Variants in NSUN7 observed in about 807,000 individuals in gnomAD.
NSUN7 encodes the protein NOP2/Sun RNA methyltransferase family member 7.
In NSUN7, 39 loss-of-function variants were observed where a neutral mutation model predicts 58.5. That is an observed-to-expected ratio of 0.67 (90% CI 0.52 to 0.87). The LOEUF is 0.87. Ranked by LOEUF, NSUN7 falls within the 40% of genes least tolerant of loss-of-function variation. NSUN7 has a pLI of 0.00. For synonymous variants in NSUN7, 278 were observed against 303.7 expected, an observed-to-expected ratio of 0.92 and a Z score of 0.88; for missense variants, 765 against 844.1, an observed-to-expected ratio of 0.91 and a Z score of 1.16.
Position 40,808,420 on chromosome 4 carries a change from A to G in NSUN7, c.1638A>G (p.Lys546=), listed in dbSNP as rs777853226. The change falls in exon 12 of 12, where the codon AAA becomes AAG. Residue 546 remains lysine, a synonymous_variant. Transcript: ENST00000381782. ...GKSSKREKKK[K]KSKTSLTKGA... is the part of the protein sequence containing the mutation. ...CATCAAAACGGGAGAAGAAGAAGAA[A>G]AAATCAAAAACATCATTGACAAAAG... 9 of 1,613,672 alleles carry G rather than the reference A, an allele frequency of 5.6e-6. No homozygotes were observed. In the South Asian group the frequency reaches 9.9e-5, roughly 18 times the overall value.
intron 2 of NSUN7, among the ~76,000 whole-genome samples, chr4:40,751,619 A>T (rs1243809595): frequency 6.6e-6 from 1 of 152,208 alleles, no homozygotes; most frequent in Non-Finnish European, 1.5e-5. Context: ...CATAGCCACT[A>T]GCTTTAATGG....
At chr4:40,792,477 A>C (rs141360752) in intron 8 of NSUN7, among the ~76,000 whole-genome samples, 12,966 of 152,200 alleles carry the variant, frequency 0.085, 682 homozygotes, top group Middle Eastern at 0.13. Context: ...ACTGGCCGGG[A>C]GCGGTGGCTC....
chr4:40,796,819 C>T (rs948505734), intron 9 of NSUN7, among the ~76,000 whole-genome samples: 1 of 152,078 alleles, frequency 6.6e-6, no homozygotes, highest in African/African-American at 2.4e-5. Flanking sequence ...ATTTATAGTT[C>T]CTCATCAACA....
rs1407386380 is a variant in NSUN7 at position 40,750,787 on chromosome 4, A to G, written c.94A>G (p.Ser32Gly). 5.0e-6 allele frequency: 8 copies of G among 1,613,998 alleles called. No homozygotes were observed. Among genetic ancestry groups the G allele is most frequent in the Non-Finnish European group, 6.8e-6 (8 of 1,180,012 alleles). Residue 32 changes from serine (S) to glycine (G), a missense_variant, in exon 2 of 12, where the codon AGC (serine) becomes GGC (glycine). Transcript: ENST00000381782. ...TTCCCTGCCTCTGTCCGGTGGGAAAAGCTCAGCTGGTGTGCCCGAAAAAAC... is the reference window on the plus strand; with the variant it reads ...TTCCCTGCCTCTGTCCGGTGGGAAAGGCTCAGCTGGTGTGCCCGAAAAAAC... Reference protein sequence around the residue: ...LTSLPLSGGKSSAGVPEKTGY... With the variant: ...LTSLPLSGGKGSAGVPEKTGY...
At chr4:40,789,807 T>C (rs1220874378) in intron 7 of NSUN7, among the ~76,000 whole-genome samples, 2 of 151,774 alleles carry the variant, frequency 1.3e-5, no homozygotes, top group African/African-American at 4.8e-5. Context: ...AGGGAAAAAT[T>C]GGTGAGGCAA....
In NSUN7 at chr4:40,798,805, T is replaced by G. The variant is rs762996220; in HGVS notation, c.1301T>G (p.Val434Gly). ...AATATAGTTACTAAAGCTCAAGCAG[T>G]TGTTTACTGCACATGTTCAGTTTTT... Reference protein sequence around the residue: ...HAMKFTKAQAVVYCTCSVFPE... With the variant: ...HAMKFTKAQAGVYCTCSVFPE... Residue 434 changes from valine to glycine, a missense_variant, in exon 10 of 12, where the codon GTT (valine) becomes GGT (glycine). Val to Gly is a moderately radical substitution (Grantham distance 109, BLOSUM62 -3). Coordinates refer to ENST00000381782, the MANE Select transcript of NSUN7 (RefSeq NM_024677.6). 6.2e-7 allele frequency: 1 copy of G among 1,607,670 alleles called. No individual in the cohort carries two copies. The highest frequency in any genetic ancestry group is 8.5e-7 in the Non-Finnish European group (1 of 1,175,636).
intron 7 of NSUN7, among the ~76,000 whole-genome samples, chr4:40,783,246 C>G (rs1000015877): frequency 3.9e-5 from 6 of 152,126 alleles, no homozygotes; most frequent in African/African-American, 1.4e-4. Flanking sequence ...ACAAGGTTGC[C>G]AAGACCATGC....
chr4:40,755,693 C>T (rs977398464), intron 2 of NSUN7, among the ~76,000 whole-genome samples: 1 of 152,146 alleles, frequency 6.6e-6, no homozygotes, highest in African/African-American at 2.4e-5. Context: ...CCTAAGACCA[C>T]CTCCAGATTC....
At chr4:40,763,235 A>G (rs1741542638) in intron 4 of NSUN7, among the ~76,000 whole-genome samples, 1 of 152,196 alleles carries the variant, frequency 6.6e-6, no homozygotes, top group African/African-American at 2.4e-5. Flanking sequence ...TGTCATAGCC[A>G]TGAGAAATCA....
intron 11 of NSUN7, 170 bp from the exon 12 acceptor site, chr4:40,808,137 G>T: frequency 1.8e-6 from 1 of 544,298 alleles, no homozygotes; most frequent in Non-Finnish European, 2.9e-6. Context: ...TTTTTAAAAA[G>T]GCATTCGCTG....
intron 4 of NSUN7, chr4:40,772,944 C>T (rs1450427318): frequency 6.6e-6 from 1 of 152,094 alleles, no homozygotes. Context: ...AGGAATAAGT[C>T]CTGTGTTCTC....
intron 7 of NSUN7, among the ~76,000 whole-genome samples, chr4:40,788,679 G>A (rs776157980): frequency 3.3e-5 from 5 of 152,136 alleles, no homozygotes; most frequent in Non-Finnish European, 7.3e-5. Context: ...TATCCCTATG[G>A]TGGCTGTGTA....
At chr4:40,751,773 T>C (rs1367432502) in intron 2 of NSUN7, among the ~76,000 whole-genome samples, 3 of 151,998 alleles carry the variant, frequency 2.0e-5, no homozygotes, top group Non-Finnish European at 4.4e-5. Flanking sequence ...GTGGGAGGAT[T>C]GATTGAGCTC....
intron 2 of NSUN7, among the ~76,000 whole-genome samples, chr4:40,759,930 A>C (rs529841937): frequency 5.5e-4 from 83 of 152,176 alleles, no homozygotes; most frequent in African/African-American, 1.9e-3. Context: ...AGTCCTAGCT[A>C]CTCTGGAGGC....
chr4:40,760,540 AAAAG>A (rs1340675394), intron 3 of NSUN7, 48 bp downstream of exon 3: 5 of 1,448,838 alleles, frequency 3.5e-6, no homozygotes, highest in Non-Finnish European at 4.8e-6. Flanking sequence ...TTTTTTTTAA[AAAAG>A]AAAGTGTTTA....
chr4:40,794,319 T>C, intron 8 of NSUN7, 56 bp from the exon 9 acceptor site: 1 of 907,408 alleles, frequency 1.1e-6, no homozygotes, highest in Non-Finnish European at 1.7e-6. Context: ...ATGATAACAA[T>C]ATGTAAAAAG....
chr4:40,792,750 ATTT>A (rs1743148623), intron 8 of NSUN7, among the ~76,000 whole-genome samples: 3 of 119,924 alleles, frequency 2.5e-5, no homozygotes, highest in Admixed American at 9.6e-5. Context: ...ACTCCATCTC[ATTT>A]AAAAAAAAAA....
chr4:40,797,328 C>A (rs570970585), intron 9 of NSUN7, among the ~76,000 whole-genome samples: 32 of 152,258 alleles, frequency 2.1e-4, no homozygotes, highest in Non-Finnish European at 3.5e-4. Context: ...TCTGTATTTC[C>A]AGTCTAAACT....
intron 8 of NSUN7, among the ~76,000 whole-genome samples, chr4:40,793,639 A>T (rs1053275647): frequency 6.6e-6 from 1 of 152,186 alleles, no homozygotes; most frequent in Non-Finnish European, 1.5e-5. Flanking sequence ...TACAGAGTTT[A>T]AAAATTTGGG....
Sources: allele counts gnomAD v4.1 joint callset (sites outside exome capture counted in the v4.1 genomes callset), GRCh38; gene constraint gnomAD v4.1.1; transcripts MANE v1.5; gene names NCBI Gene and HGNC (gene_info 2026-07-23, HGNC 2026-07-21).